COL1A2: variants seen among roughly 807,000 people sequenced by gnomAD.
COL1A2 encodes the protein collagen alpha-2(I) chain.
In COL1A2, 49 loss-of-function variants were observed where a neutral mutation model predicts 174.3. That is an observed-to-expected ratio of 0.28 (90% CI 0.22 to 0.36). The LOEUF (loss-of-function observed/expected upper bound fraction) is 0.36, where lower values mean the gene tolerates loss of function less well. COL1A2 is among the 10% of genes least tolerant of loss of function. The probability of loss-of-function intolerance (pLI) is 1.00; values close to 1 mark genes in which losing one functional copy is unlikely to be tolerated. For missense variants in COL1A2, 1,438 were observed against 1,822.7 expected, an observed-to-expected ratio of 0.79 and a Z score of 3.84; for synonymous variants, 655 against 606.6, an observed-to-expected ratio of 1.08 and a Z score of -1.17.
chr7:94,397,680 A>C, intron 1 of COL1A2, 68 bp from the exon 2 acceptor site: 1 of 862,496 alleles, frequency 1.2e-6, no homozygotes, highest in South Asian at 1.5e-5. Context: ...CTATTTGTTA[A>C]TTATTGCTAT....
At chr7:94,407,967 TA>T (rs1371233075) in intron 13 of COL1A2, 76 bp downstream of exon 13, 1 of 1,376,518 alleles carries the variant, frequency 7.3e-7, no homozygotes, top group East Asian at 2.3e-5. Flanking sequence ...ATGTTTTTGC[TA>T]ATCACTGTAT....
At chr7:94,422,611 C>G (rs1466931624) in intron 39 of COL1A2, 2 of 220,298 alleles carry the variant, frequency 9.1e-6, no homozygotes, top group Non-Finnish European at 9.0e-6. Flanking sequence ...AAGGCAAAGT[C>G]CTTCGAAACT....
chr7:94,422,873 T>C, intron 39 of COL1A2, 84 bp from the exon 40 acceptor site: 1 of 1,494,066 alleles, frequency 6.7e-7, no homozygotes, highest in Non-Finnish European at 9.3e-7. Context: ...ATTGTTTGCA[T>C]CTTAAGATCT....
intron 26 of COL1A2, 67 bp downstream of exon 26, chr7:94,413,203 A>T: frequency 7.6e-7 from 1 of 1,320,274 alleles, no homozygotes; most frequent in Non-Finnish European, 1.1e-6. Flanking sequence ...TTTTTTTTTT[A>T]CACCATCTGA....
chr7:94,417,567 T>C (rs1389629637), intron 31 of COL1A2, 157 bp from the exon 32 acceptor site: 1 of 675,254 alleles, frequency 1.5e-6, no homozygotes, highest in Non-Finnish European at 2.7e-6. Context: ...CTCTCTCTGC[T>C]ATATTCTCCC....
In COL1A2 at chr7:94,404,694, G is replaced by T. The variant is rs1114167416; in HGVS notation, c.326G>T (p.Gly109Val). The T allele has an allele frequency of 6.2e-7, 1 of 1,614,044 alleles. No individual in the cohort carries two copies. Among genetic ancestry groups the T allele is most frequent in the Non-Finnish European group, 8.5e-7 (1 of 1,179,980 alleles). ...TATGACATTCTTTTTTTCTTTTAGG[G>T]CCCTCAAGGTTTCCAAGGACCTGCT... ...RGPPGAAGAP[G>V]PQGFQGPAGE... The change falls in exon 8 of 52, where the codon GGC (glycine) becomes GTC (valine). Residue 109 changes from glycine (G) to valine (V), a missense_variant and splice_region_variant. Physicochemically the swap from Gly to Val is moderately radical, Grantham distance 109 (BLOSUM62 -3). Transcript: ENST00000297268.
intron 11 of COL1A2, 131 bp from the exon 12 acceptor site, chr7:94,406,119 C>A (rs1791789667): frequency 3.3e-6 from 3 of 903,300 alleles, no homozygotes; most frequent in Middle Eastern, 2.1e-4. Context: ...GGACCTGGAA[C>A]ACTGGACTTC....
chr7:94,427,482 C>T, intron 48 of COL1A2, 145 bp from the exon 49 acceptor site: 1 of 1,129,380 alleles, frequency 8.9e-7, no homozygotes, highest in Non-Finnish European at 1.3e-6. Context: ...TGCCTGGGGG[C>T]TCGTTATTTA....
intron 30 of COL1A2, among the ~76,000 whole-genome samples, chr7:94,415,645 C>A (rs1293016620): frequency 6.6e-6 from 1 of 152,010 alleles, no homozygotes; most frequent in African/African-American, 2.4e-5. Context: ...TAAAGCCGAA[C>A]TTATGAGTAG....
At chr7:94,395,319 T>C (rs912501129) in intron 1 of COL1A2, 1 of 650,444 alleles carries the variant, frequency 1.5e-6, no homozygotes, top group South Asian at 1.5e-5. Flanking sequence ...ACTTTTCCTC[T>C]AAGTTCAGAG....
At position 94,408,353 on chromosome 7, in the gene COL1A2, T is replaced by C. The variant is rs759800994; in HGVS notation, c.711T>C (p.Asp237=). Residue 237 remains aspartate, a synonymous_variant, in exon 15 of 52, where the codon GAT becomes GAC. Coordinates refer to ENST00000297268, the MANE Select transcript of COL1A2 (RefSeq NM_000089.4). ...APGPAGARGS[D]GSVGPVGPAG... Reference sequence around the variant, plus strand: ...CTTCTTAGGGTGCCCGTGGCAGTGATGGAAGTGTGGGTCCCGTGGGTCCTG... The same window carrying C: ...CTTCTTAGGGTGCCCGTGGCAGTGACGGAAGTGTGGGTCCCGTGGGTCCTG... 1 of 1,614,144 alleles carries C rather than the reference T, an allele frequency of 6.2e-7. No homozygotes were observed. The highest frequency in any genetic ancestry group is 1.1e-5 in the South Asian group (1 of 91,078).
In COL1A2 at chr7:94,410,454, G is replaced by C. The variant is rs960097072; in HGVS notation, c.1124G>C (p.Ser375Thr). ...SAGPQGPPGP[S>T]GEEGKRGPNG... The stretch of plus-strand genomic sequence containing the variant: ...GGGCCCCAAGGTCCTCCTGGTCCCA[G>C]TGGTGAAGAAGGAAAGAGAGGCCCT... Residue 375 changes from serine to threonine, a missense_variant, in exon 21 of 52, where the codon AGT becomes ACT. Physicochemically the swap from Ser to Thr is moderately conservative, Grantham distance 58 (BLOSUM62 1). This residue lies in a region of COL1A2 where 867 missense variants were observed against 1,213.7 expected (regional missense o/e 0.71). Transcript: ENST00000297268. 1 of 1,551,174 alleles carries C rather than the reference G, an allele frequency of 6.4e-7. No homozygotes were observed.
intron 36 of COL1A2, 24 bp downstream of exon 36, chr7:94,420,468 A>C (rs778665606): frequency 1.9e-6 from 3 of 1,614,162 alleles, no homozygotes; most frequent in Non-Finnish European, 8.5e-7. Context: ...AATGAAGATT[A>C]ATCTGAAAAC....
chr7:94,405,823 C>A, intron 11 of COL1A2, 97 bp downstream of exon 11: 1 of 1,001,146 alleles, frequency 1.0e-6, no homozygotes, highest in African/African-American at 1.6e-5. Flanking sequence ...TACTCACTTT[C>A]AAATCCCTGG....
Position 94,408,342 on chromosome 7 carries a change from C to T in COL1A2, c.700C>T (p.Arg234Cys), listed in dbSNP as rs1206388800. 1.2e-5 allele frequency: 19 copies of T among 1,613,856 alleles called. No homozygotes were observed. Among genetic ancestry groups the T allele is most frequent in the Middle Eastern group, 1.6e-4 (1 of 6,084 alleles). Residue 234 changes from arginine (R) to cysteine (C), a missense_variant, in exon 15 of 52, where the codon CGT becomes TGT. Physicochemically the swap from Arg to Cys is radical, Grantham distance 180. Coordinates refer to ENST00000297268, the MANE Select transcript of COL1A2 (RefSeq NM_000089.4). ...RVGAPGPAGA[R>C]GSDGSVGPVG... ...CCCTTTATTTTCTTCTTAGGGTGCC[C>T]GTGGCAGTGATGGAAGTGTGGGTCC... is the stretch of plus-strand genomic sequence containing the variant.
rs749016481 is a variant in COL1A2 at position 94,413,787 on chromosome 7, A to G, written c.1611+44A>G. 5 of 1,610,566 alleles carry G rather than the reference A, an allele frequency of 3.1e-6. No individual in the cohort carries two copies. The East Asian group carries it at 6.7e-5, about 22-fold the overall frequency. ...CTTGTGCTCTTCTGCACTAGAATGT[A>G]TATAGTCCTCAAACTGGCCATCTCC... On this transcript the variant is annotated intron_variant, in intron 27 of 51. Transcript: ENST00000297268.
At chr7:94,405,013 T>C (rs1791766254) in intron 9 of COL1A2, 121 bp downstream of exon 9, 1 of 1,197,152 alleles carries the variant, frequency 8.4e-7, no homozygotes, top group South Asian at 1.3e-5. Context: ...GAACTCTTAA[T>C]GTATGGGAAA....
chr7:94,401,629 A>C lies in COL1A2; in HGVS notation c.279+9A>C, dbSNP rs757833261. The C allele has an allele frequency of 2.5e-6, 4 of 1,583,252 alleles. No individual in the cohort carries two copies. The highest frequency in any genetic ancestry group is 3.4e-6 in the Non-Finnish European group (4 of 1,160,986). On this transcript the variant is annotated intron_variant, in intron 6 of 51. Transcript: ENST00000297268. ...TTGGCCCTGGACCAATGGTATGCTT[A>C]TCTGTTTATCTTAGCCAAAAAAATT...
chr7:94,427,791 C>T lies in COL1A2; in HGVS notation c.3432C>T (p.Asn1144=), dbSNP rs1364684337. 2.5e-6 allele frequency: 4 copies of T among 1,614,028 alleles called. No individual in the cohort carries two copies. Among genetic ancestry groups the T allele is most frequent in the Non-Finnish European group, 3.4e-6 (4 of 1,179,940 alleles). The part of the protein sequence containing the change: ...EVDATLKSLN[N]QIETLLTPEG... ...ATGCTACTCTGAAGTCTCTCAACAA[C>T]CAGATTGAGACCCTTCTTACTCCTG... Residue 1144 remains asparagine, a synonymous_variant, in exon 49 of 52, where the codon AAC becomes AAT. Transcript: ENST00000297268.
Sources: gnomAD v4.1 joint callset for allele counts (sites outside exome capture counted in the v4.1 genomes callset) on GRCh38, gnomAD v4.1.1 for gene constraint, gnomAD v4.1.1 regional missense constraint, MANE v1.5 for transcripts, NCBI Gene and HGNC (gene_info 2026-07-23, HGNC 2026-07-21) for gene names.